MYLK: variants seen among roughly 807,000 people sequenced by gnomAD.
The protein encoded by MYLK is myosin light chain kinase, also known as myosin light chain kinase, smooth muscle.
MYLK carries 106 observed loss-of-function variants against 203.4 expected under a neutral mutation model. The ratio of observed to expected loss-of-function variants is 0.52; its 90% CI spans 0.45 to 0.61. MYLK has a LOEUF of 0.61. Among genes scored for constraint, MYLK ranks in the 20% least tolerant of loss-of-function variants. The pLI is 0.00. For synonymous variants in MYLK, 867 were observed against 959.5 expected (o/e 0.90, Z 1.78); for missense variants, 2,072 against 2,442.3 (o/e 0.85, Z 3.20).
At chr3:123,615,011 C>T (rs939474705) in intron 33 of MYLK, among the ~76,000 whole-genome samples, 5 of 151,632 alleles carry the variant, frequency 3.3e-5, no homozygotes, top group African/African-American at 1.2e-4. Context: ...GACAGGGTCT[C>T]CCTATGTTGC....
At chr3:123,837,501 ATAT>A (rs1340434076) in intron 2 of MYLK, among the ~76,000 whole-genome samples, 1 of 147,596 alleles carries the variant, frequency 6.8e-6, no homozygotes, top group Non-Finnish European at 1.5e-5. Flanking sequence ...TATATTATAT[ATAT>A]TACATATAAT....
chr3:123,808,767 C>T (rs945200443), intron 3 of MYLK, among the ~76,000 whole-genome samples: 3 of 152,200 alleles, frequency 2.0e-5, no homozygotes, highest in African/African-American at 7.2e-5. Context: ...AGGTACTGTA[C>T]TGAGGGCTTT....
intron 3 of MYLK, among the ~76,000 whole-genome samples, chr3:123,811,402 A>G (rs2065555593): frequency 6.6e-6 from 1 of 152,176 alleles, no homozygotes; most frequent in South Asian, 2.1e-4. Flanking sequence ...TCAACTTCCA[A>G]TAGGGAATTT....
At chr3:123,814,579 A>G (rs985308248) in intron 3 of MYLK, among the ~76,000 whole-genome samples, 25 of 152,226 alleles carry the variant, frequency 1.6e-4, no homozygotes, top group African/African-American at 6.0e-4. Flanking sequence ...ACTTTTAAAA[A>G]TAAAATTATA....
chr3:123,732,243 T>C (rs1209198456), intron 11 of MYLK, among the ~76,000 whole-genome samples: 1 of 152,198 alleles, frequency 6.6e-6, no homozygotes, highest in African/African-American at 2.4e-5. Flanking sequence ...GGAAACAATT[T>C]AATTATTCAA....
chr3:123,700,860 G>A lies in MYLK; in HGVS notation c.2608C>T (p.Arg870Ter), dbSNP rs865903260. Residue 870 changes from arginine (R) to a stop codon, truncating the protein, a stop_gained, in exon 18 of 34, where the codon CGA (arginine) becomes TGA (stop). Transcript: ENST00000360304. LOFTEE classifies it high-confidence loss of function. ...WLEEEDGEDV[R>*]GVLKRRVETR... ...TCCACGCGCCTCTTCAGCACCCCTCGCACGTCCTCGCCGTCTTCCTCCTCT... is the reference window on the plus strand; with the variant it reads ...TCCACGCGCCTCTTCAGCACCCCTCACACGTCCTCGCCGTCTTCCTCCTCT... The A allele has an allele frequency of 4.3e-6, 7 of 1,613,402 alleles. No homozygotes were observed. Among genetic ancestry groups the A allele is most frequent in the East Asian group, 2.2e-5 (1 of 44,860 alleles).
intron 20 of MYLK, among the ~76,000 whole-genome samples, chr3:123,669,081 G>T (rs755791501): frequency 3.3e-5 from 5 of 152,232 alleles, no homozygotes; most frequent in Admixed American, 6.5e-5. Context: ...TGGAACTTGT[G>T]CATTTCCACG....
intron 13 of MYLK, among the ~76,000 whole-genome samples, chr3:123,718,037 T>G (rs534313630): frequency 1.3e-5 from 2 of 152,114 alleles, no homozygotes; most frequent in South Asian, 4.2e-4. Context: ...AATTTTTGTG[T>G]TTTTTGTGGA....
At position 123,618,749 on chromosome 3, in the gene MYLK, A is replaced by G. The variant is rs1197088894; in HGVS notation, c.5390T>C (p.Leu1797Pro). ...AGGCTTTTCCTCAGCAACAGCCTCA[A>G]GGAAAGCTTGGGACACATCTTCTAG... ...ESEEDVSQAF[L>P]EAVAEEKPHV... The change falls in exon 33 of 34, where the codon CTT becomes CCT. Residue 1797 changes from leucine to proline, a missense_variant. Around this residue, in one of 3 missense-constraint regions of MYLK, gnomAD observed 524 missense variants for 782.4 expected, o/e 0.67. Transcript: ENST00000360304. The G allele has an allele frequency of 6.2e-7, 1 of 1,614,174 alleles. No homozygotes were observed. Among genetic ancestry groups the G allele is most frequent in the Non-Finnish European group, 8.5e-7 (1 of 1,180,006 alleles).
chr3:123,845,155 A>G (rs927957171), intron 2 of MYLK, among the ~76,000 whole-genome samples: 1 of 152,200 alleles, frequency 6.6e-6, no homozygotes, highest in Non-Finnish European at 1.5e-5. Flanking sequence ...TGAGTTCCTC[A>G]GCCTATCCTC....
intron 4 of MYLK, among the ~76,000 whole-genome samples, chr3:123,772,796 G>C (rs2063927819): frequency 6.6e-6 from 1 of 151,938 alleles, no homozygotes; most frequent in African/African-American, 2.4e-5. Flanking sequence ...AAAATAAAAT[G>C]TGATATGTTT....
Position 123,689,387 on chromosome 3 carries a change from G to A in MYLK, c.3565+3348C>T, listed in dbSNP as rs554935295. 5.5e-4 allele frequency among the ~76,000 whole-genome samples: 84 copies of A among 152,324 alleles called. No homozygotes were observed. In the South Asian group the frequency reaches 0.012, roughly 21 times the overall value. On this transcript the variant is annotated intron_variant, in intron 19 of 33. Transcript: ENST00000360304. ...CCCACAGGGAGGACTGTTACTCAGG[G>A]AGGTCTGGATCACTCTGGGAGCGGG...
chr3:123,823,990 C>A (rs2066025486), intron 3 of MYLK, among the ~76,000 whole-genome samples: 1 of 152,174 alleles, frequency 6.6e-6, no homozygotes, highest in Non-Finnish European at 1.5e-5. Flanking sequence ...TACATATCAC[C>A]TCCACAGGGG....
intron 4 of MYLK, among the ~76,000 whole-genome samples, chr3:123,756,988 G>A (rs1051415620): frequency 3.9e-5 from 6 of 152,104 alleles, no homozygotes; most frequent in Admixed American, 1.3e-4. Context: ...GGCCTCAAAA[G>A]GCCTTTAAAA....
chr3:123,865,764 T>G (rs2148699341), intron 2 of MYLK, among the ~76,000 whole-genome samples: 1 of 152,318 alleles, frequency 6.6e-6, no homozygotes, highest in South Asian at 2.1e-4. Flanking sequence ...TCAAAATCTT[T>G]GACACTCCTC....
chr3:123,653,998 G>A (rs2059310340), intron 24 of MYLK, among the ~76,000 whole-genome samples: 1 of 148,328 alleles, frequency 6.7e-6, no homozygotes, highest in South Asian at 2.1e-4. Context: ...GTGTGTGTGT[G>A]TGTGTGTGTG....
At chr3:123,704,784 G>A (rs1217668727) in intron 16 of MYLK, among the ~76,000 whole-genome samples, 3 of 151,566 alleles carry the variant, frequency 2.0e-5, no homozygotes, top group African/African-American at 7.3e-5. Context: ...GCCGGGCGTG[G>A]TGGTAGGCAC....
At chr3:123,752,017 G>A (rs574690576) in intron 5 of MYLK, among the ~76,000 whole-genome samples, 8 of 152,094 alleles carry the variant, frequency 5.3e-5, no homozygotes, top group Middle Eastern at 3.4e-3. Context: ...GCTAGGGAGG[G>A]GCCAGATTGG....
At chr3:123,754,650 T>C (rs2063307979) in intron 4 of MYLK, among the ~76,000 whole-genome samples, 1 of 152,322 alleles carries the variant, frequency 6.6e-6, no homozygotes, top group Non-Finnish European at 1.5e-5. Context: ...AAATGGTGTG[T>C]TAACAGCTGT....
Sources: gnomAD v4.1 joint callset for allele counts (sites outside exome capture counted in the v4.1 genomes callset) on GRCh38, gnomAD v4.1.1 for gene constraint, gnomAD v4.1.1 regional missense constraint, MANE v1.5 for transcripts, NCBI Gene and HGNC (gene_info 2026-07-23, HGNC 2026-07-21) for gene names.